The following MBLAC2 variants were observed in gnomAD, a reference collection of about 807,000 sequenced individuals.
MBLAC2 encodes metallo-beta-lactamase domain containing 2, also known as acyl-coenzyme A thioesterase MBLAC2.
Under a neutral mutation model 23.3 loss-of-function variants are expected in MBLAC2, and 24 were observed. The ratio of observed to expected loss-of-function variants is 1.03; its 90% confidence interval spans 0.75 to 1.45. The LOEUF is 1.45. MBLAC2 is among the 40% of genes most tolerant of loss of function. The pLI is 0.00. For synonymous variants in MBLAC2, 162 were observed against 150.9 expected (o/e 1.07, Z -0.54); for missense variants, 358 against 370.0 (o/e 0.97, Z 0.27).
At chr5:90,464,489 G>A (rs1750418464) in intron 1 of MBLAC2, among the ~76,000 whole-genome samples, 1 of 152,124 alleles carries the variant, frequency 6.6e-6, no homozygotes, top group Non-Finnish European at 1.5e-5. Context: ...GGAAGCTGAG[G>A]TAGAAGGATT....
intron 1 of MBLAC2, chr5:90,472,741 GC>G (rs1332096681): frequency 2.6e-5 from 4 of 152,006 alleles, no homozygotes; most frequent in African/African-American, 9.7e-5. Context: ...GAAAGAAGGG[GC>G]CTTTCACATT....
rs1370475205 is a variant in MBLAC2 at position 90,474,197 on chromosome 5, G to C, written c.96C>G (p.Ile32Met). 1 of 1,611,466 alleles carries C rather than the reference G, an allele frequency of 6.2e-7. No homozygotes were observed. Among genetic ancestry groups the C allele is most frequent in the Non-Finnish European group, 8.5e-7 (1 of 1,178,880 alleles). Reference sequence around the variant, plus strand: ...CCTGCTCGGAGCCGCGCACCAGCCAGATGTTGGCACGGTTGCCCGACTCGT... The same window carrying C: ...CCTGCTCGGAGCCGCGCACCAGCCACATGTTGGCACGGTTGCCCGACTCGT... The part of the protein sequence containing the change: ...RFYESGNRAN[I>M]WLVRGSEQDV... The change falls in exon 1 of 2, where the codon ATC becomes ATG. Residue 32 changes from isoleucine (I) to methionine (M), a missense_variant. Transcript: ENST00000316610.
In MBLAC2 at chr5:90,460,186, C is replaced by G. The variant is rs1430787724; in HGVS notation, c.*981G>C. 1.3e-5 allele frequency: 2 copies of G among 152,492 alleles called. No homozygotes were observed. The highest frequency in any genetic ancestry group is 1.5e-5 in the Non-Finnish European group (1 of 67,970). The allele number at this position is 152,492 out of a possible 1,614,324, so 9.4% of individuals were successfully genotyped here. A position where few individuals can be genotyped will look rare whatever the true frequency, so the allele number is the denominator to read the frequency against. On this transcript the variant is annotated 3_prime_UTR_variant, in exon 2 of 2. Coordinates refer to ENST00000316610, the MANE Select transcript of MBLAC2 (RefSeq NM_203406.2). Reference sequence around the variant, plus strand: ...ATTCACTCTAAGTCAATAGCTAATGCACATTTTGCAATTAATTTAAAAATC... The same window carrying G: ...ATTCACTCTAAGTCAATAGCTAATGGACATTTTGCAATTAATTTAAAAATC...
intron 1 of MBLAC2, among the ~76,000 whole-genome samples, chr5:90,468,181 CT>C (rs909960148): frequency 4.6e-5 from 7 of 152,240 alleles, no homozygotes; most frequent in African/African-American, 1.7e-4. Flanking sequence ...AGGTGATGAT[CT>C]TTTTGTGACT....
intron 1 of MBLAC2, among the ~76,000 whole-genome samples, chr5:90,461,899 T>TATATGAATGTATAC (rs1185884040): frequency 1.3e-5 from 2 of 152,218 alleles, no homozygotes; most frequent in Non-Finnish European, 2.9e-5. Flanking sequence ...GAGCTTTTAT[T>TATATGAATGTATAC]ATATGAATGT....
chr5:90,465,847 G>C (rs1285847809), intron 1 of MBLAC2, among the ~76,000 whole-genome samples: 1 of 152,160 alleles, frequency 6.6e-6, no homozygotes, highest in Non-Finnish European at 1.5e-5. Context: ...GATTACAGGT[G>C]AGTCACCATA....
Position 90,473,906 on chromosome 5 carries a change from G to C in MBLAC2, c.387C>G (p.Pro129=). 1.2e-6 allele frequency: 2 copies of C among 1,606,356 alleles called. No homozygotes were observed. The highest frequency in any genetic ancestry group is 1.7e-6 in the Non-Finnish European group (2 of 1,177,144). ...WLSDSEVVRT[P]SPGWRARQFR... ...ACTGTCTGGCCCTCCAGCCGGGGCT[G>C]GGCGTCCGCACCACCTCGCTATCGG... The change falls in exon 1 of 2, where the codon CCC becomes CCG. Residue 129 remains proline (P), a synonymous_variant. Coordinates refer to ENST00000316610, the MANE Select transcript of MBLAC2 (RefSeq NM_203406.2).
chr5:90,461,738 C>A (rs767273588), intron 1 of MBLAC2, among the ~76,000 whole-genome samples, 186 bp from the exon 2 acceptor site: 1 of 152,162 alleles, frequency 6.6e-6, no homozygotes, highest in Non-Finnish European at 1.5e-5. Flanking sequence ...GTTTGCTAGA[C>A]CAGTGTTTGC....
chr5:90,467,909 T>C (rs1436134018), intron 1 of MBLAC2, among the ~76,000 whole-genome samples: 2 of 152,312 alleles, frequency 1.3e-5, no homozygotes, highest in African/African-American at 4.8e-5. Flanking sequence ...TTGGTAGCAG[T>C]GAATTCCCTC....
rs762245849 is a variant in MBLAC2, at chr5:90,473,867, C to T, written c.426G>A (p.Ala142=). ...CCTGCAGGATGAGGGTGGGCTGCAC[C>T]GCCTGTACCCGGAACTGTCTGGCCC... ...GWRARQFRVQ[A]VQPTLILQDG... Residue 142 remains alanine, a synonymous_variant, in exon 1 of 2, where the codon GCG becomes GCA. Transcript: ENST00000316610. 11 of 1,596,054 alleles carry T rather than the reference C, an allele frequency of 6.9e-6. No individual in the cohort carries two copies. Among genetic ancestry groups the T allele is most frequent in the African/African-American group, 2.7e-5 (2 of 74,632 alleles).
intron 1 of MBLAC2, 56 bp from the exon 2 acceptor site, chr5:90,461,608 T>C (rs1355574880): frequency 2.7e-6 from 4 of 1,490,486 alleles, no homozygotes; most frequent in African/African-American, 2.8e-5. Context: ...ACTTAGCATG[T>C]AAAGCATACT....
rs1750634435 is a variant in MBLAC2, at chr5:90,473,972, C to CGCCTCG, written c.315_320dup (p.Glu106_Ala107dup). ...TCTCAAAGTTGTCCCCGCGAGCCAG[C>CGCCTCG]GCCTCGGCCTCGGCGTGGTGCACTG... On this transcript the variant is annotated inframe_insertion, in exon 1 of 2. Transcript: ENST00000316610. 6.3e-7 allele frequency: 1 copy of CGCCTCG among 1,599,496 alleles called. No homozygotes were observed. The highest frequency in any genetic ancestry group is 8.5e-7 in the Non-Finnish European group (1 of 1,174,040).
intron 1 of MBLAC2, among the ~76,000 whole-genome samples, chr5:90,462,065 G>T (rs763662530): frequency 1.3e-5 from 2 of 152,140 alleles, no homozygotes; most frequent in Non-Finnish European, 2.9e-5. Flanking sequence ...TTTGCCTCTT[G>T]TATCACCCTG....
At position 90,459,499 on chromosome 5, in the gene MBLAC2, T is replaced by A. The variant is rs1208550418; in HGVS notation, c.*1668A>T. 1 of 152,132 alleles carries A rather than the reference T, an allele frequency of 6.6e-6. No homozygotes were observed. Among genetic ancestry groups the A allele is most frequent in the African/African-American group, 2.4e-5 (1 of 41,454 alleles). 9.4% of individuals were successfully genotyped at this position (152,132 alleles called of 1,614,324 possible). On this transcript the variant is annotated 3_prime_UTR_variant, in exon 2 of 2. Transcript: ENST00000316610. ...ATCCCTATTCTTGGATTGTTTTGTT[T>A]CCAACTCTGACTATCTAACAAGTTC... is the stretch of plus-strand genomic sequence containing the variant.
In MBLAC2 at chr5:90,474,246, A is replaced by T. The variant is rs773894351; in HGVS notation, c.47T>A (p.Ile16Asn). ...GTAGAAACGTTCTTGAATCCAGAAG[A>T]TACCATCGCCTAGAGACTTGTGGGC... ...WYAHKSLGDG[I>N]FWIQERFYES... Residue 16 changes from isoleucine (I) to asparagine (N), a missense_variant, in exon 1 of 2, where the codon ATC (isoleucine) becomes AAC (asparagine). Transcript: ENST00000316610. The T allele has an allele frequency of 1.2e-6, 2 of 1,613,630 alleles. No homozygotes were observed. Among genetic ancestry groups the T allele is most frequent in the Non-Finnish European group, 1.7e-6 (2 of 1,179,862 alleles).
At position 90,458,858 on chromosome 5, in the gene MBLAC2, T is replaced by C. The variant is rs994712849; in HGVS notation, c.*2309A>G. 4.6e-5 allele frequency: 7 copies of C among 152,440 alleles called. No homozygotes were observed. Among genetic ancestry groups the C allele is most frequent in the Admixed American group, 4.6e-4 (7 of 15,266 alleles). The allele number at this position is 152,440 out of a possible 1,614,324, so 9.4% of individuals were successfully genotyped here. ...ATATACTTTACCTTATTTATTCACATTGAAGTAATAGCAAAATATCACAGT... is the reference window on the plus strand; with the variant it reads ...ATATACTTTACCTTATTTATTCACACTGAAGTAATAGCAAAATATCACAGT... On this transcript the variant is annotated 3_prime_UTR_variant, in exon 2 of 2. Coordinates refer to ENST00000316610, the MANE Select transcript of MBLAC2 (RefSeq NM_203406.2).
chr5:90,471,520 G>A (rs1750548919), intron 1 of MBLAC2, among the ~76,000 whole-genome samples: 1 of 152,196 alleles, frequency 6.6e-6, no homozygotes, highest in Admixed American at 6.5e-5. Context: ...TGCACTGGAA[G>A]ATATGGCTAT....
chr5:90,469,186 G>C (rs1425807770), intron 1 of MBLAC2, among the ~76,000 whole-genome samples: 1 of 152,092 alleles, frequency 6.6e-6, no homozygotes, highest in Non-Finnish European at 1.5e-5. Flanking sequence ...GGCTGGTCTT[G>C]AACTCTTGAC....
intron 1 of MBLAC2, among the ~76,000 whole-genome samples, chr5:90,469,163 A>C (rs957337443): frequency 6.6e-6 from 1 of 152,136 alleles, no homozygotes; most frequent in Non-Finnish European, 1.5e-5. Context: ...ACGGGGTTTC[A>C]CTATGTTGGC....
Sources: allele counts gnomAD v4.1 joint callset (sites outside exome capture counted in the v4.1 genomes callset), GRCh38; gene constraint gnomAD v4.1.1; transcripts MANE v1.5; gene names NCBI Gene and HGNC (gene_info 2026-07-23, HGNC 2026-07-21).